ABCA12: variants seen among roughly 807,000 people sequenced by gnomAD.
ABCA12 encodes glucosylceramide transporter ABCA12.
In ABCA12, 156 loss-of-function variants were observed where a neutral mutation model predicts 293.5. The ratio of observed to expected loss-of-function variants is 0.53; its 90% CI spans 0.47 to 0.61. The LOEUF is 0.61. Ranked by LOEUF, ABCA12 falls within the 20% of genes least tolerant of loss-of-function variation. The probability of loss-of-function intolerance (pLI) is 0.00; values close to 1 mark genes in which losing one functional copy is unlikely to be tolerated. For missense variants in ABCA12, 2,797 were observed against 3,090.2 expected, an observed-to-expected ratio of 0.91 and a Z score of 2.25; for synonymous variants, 1,063 against 1,108.0, an observed-to-expected ratio of 0.96 and a Z score of 0.81.
At chr2:214,941,970 T>G (rs542795775) in intron 50 of ABCA12, among the ~76,000 whole-genome samples, 65 of 152,302 alleles carry the variant, frequency 4.3e-4, no homozygotes, top group African/African-American at 1.5e-3. Flanking sequence ...AAGGTTAATA[T>G]TGTTATGTGT....
At chr2:214,996,197 G>A (rs1049880400) in intron 23 of ABCA12, among the ~76,000 whole-genome samples, 4 of 152,052 alleles carry the variant, frequency 2.6e-5, no homozygotes, top group South Asian at 2.1e-4. Flanking sequence ...ATGACTTTTC[G>A]TTATGCTTTG....
intron 2 of ABCA12, chr2:215,075,734 T>C: frequency 1.7e-6 from 1 of 581,112 alleles, no homozygotes. Context: ...AAAACAAATT[T>C]TAGTAATTAC....
At chr2:215,055,862 G>A (rs142703211) in intron 3 of ABCA12, among the ~76,000 whole-genome samples, 1 of 152,052 alleles carries the variant, frequency 6.6e-6, no homozygotes, top group East Asian at 1.9e-4. Flanking sequence ...CATTCCTTAT[G>A]CTGACTACGT....
At chr2:215,051,676 G>A (rs1278924900) in intron 5 of ABCA12, among the ~76,000 whole-genome samples, 1 of 138,634 alleles carries the variant, frequency 7.2e-6, no homozygotes, top group East Asian at 2.4e-4. Context: ...AGAGAAGAAA[G>A]GTGAGTGGGA....
chr2:215,071,108 A>G (rs4673938), intron 2 of ABCA12, among the ~76,000 whole-genome samples: 70,289 of 151,128 alleles, frequency 0.47, 17,835 homozygotes, highest in South Asian at 0.61. Flanking sequence ...GAGGTAGGAG[A>G]ATCGCTTGAG....
chr2:214,978,177 A>C, intron 33 of ABCA12, 139 bp downstream of exon 33: 2 of 942,302 alleles, frequency 2.1e-6, no homozygotes, highest in South Asian at 3.1e-5. Flanking sequence ...TTAAAAAAGG[A>C]GGCTTAAATT....
rs11897309 is a variant in ABCA12, at chr2:215,054,699, C to T, written c.318-35G>A. ...AAAAAGCAAGAACTCTGTAACTTCT[C>T]CCACATTAATTTTAGTTACAGCAAT... On this transcript the variant is annotated intron_variant, in intron 3 of 52. Coordinates refer to ENST00000272895, the MANE Select transcript of ABCA12 (RefSeq NM_173076.3). 0.011 allele frequency: 17,289 copies of T among 1,521,616 alleles called. 1,613 individuals are homozygous for T. The African/African-American group carries it at 0.21, about 18-fold the overall frequency. 94.3% of individuals were successfully genotyped at this position (1,521,616 alleles called of 1,614,324 possible). A position where few individuals can be genotyped will look rare whatever the true frequency, so the allele number is the denominator to read the frequency against.
chr2:215,035,417 C>T (rs963552632), intron 8 of ABCA12, among the ~76,000 whole-genome samples: 3 of 152,018 alleles, frequency 2.0e-5, no homozygotes, highest in African/African-American at 7.3e-5. Flanking sequence ...TGCCTGTAAT[C>T]CCAGCACTTT....
chr2:215,044,225 A>G (rs1039487796), intron 7 of ABCA12, among the ~76,000 whole-genome samples: 1 of 152,146 alleles, frequency 6.6e-6, no homozygotes, highest in Non-Finnish European at 1.5e-5. Context: ...CTTCATTAGA[A>G]GCTGTCACAC....
intron 1 of ABCA12, among the ~76,000 whole-genome samples, chr2:215,126,083 G>C (rs1269114103): frequency 6.6e-6 from 1 of 152,110 alleles, no homozygotes; most frequent in Non-Finnish European, 1.5e-5. Context: ...TTCTGTTTAT[G>C]TGGTGTATCA....
intron 7 of ABCA12, among the ~76,000 whole-genome samples, chr2:215,041,740 T>C (rs1334877954): frequency 6.6e-6 from 1 of 152,120 alleles, no homozygotes; most frequent in East Asian, 1.9e-4. Context: ...CTATTCACAA[T>C]AGTCAAAATG....
At chr2:214,942,112 G>A (rs769496251) in intron 50 of ABCA12, among the ~76,000 whole-genome samples, 8 of 152,096 alleles carry the variant, frequency 5.3e-5, no homozygotes, top group Non-Finnish European at 1.0e-4. Context: ...AGTAAGCAAG[G>A]TCTTGATAAG....
intron 36 of ABCA12, among the ~76,000 whole-genome samples, chr2:214,973,012 A>T (rs1204802667): frequency 1.3e-5 from 2 of 151,944 alleles, no homozygotes; most frequent in African/African-American, 2.4e-5. Context: ...TTTGGTAGAG[A>T]TGGGGTTTCA....
intron 28 of ABCA12, among the ~76,000 whole-genome samples, chr2:214,985,414 G>A (rs1299071204): frequency 1.3e-5 from 2 of 152,156 alleles, no homozygotes; most frequent in African/African-American, 2.4e-5. Context: ...AGGGTGGAGG[G>A]TGGGAGGAAG....
Position 215,001,018 on chromosome 2 carries a change from C to G in ABCA12, c.2866G>C (p.Val956Leu). Reference protein sequence around the residue: ...LYKSNELFGSVIFKLPSNRSW... With the variant: ...LYKSNELFGSLIFKLPSNRSW... ...CTGTTAGAAGGAAGCTTAAAAATAA[C>G]ACCTAAAAATAAAATGGCAACAACA... is the stretch of plus-strand genomic sequence containing the variant. The change falls in exon 22 of 53, where the codon GTT becomes CTT. Residue 956 changes from valine to leucine, a missense_variant and splice_region_variant. By Grantham distance (32) the Val-to-Leu change is conservative. Transcript: ENST00000272895. 1 of 1,613,852 alleles carries G rather than the reference C, an allele frequency of 6.2e-7. No homozygotes were observed. Among genetic ancestry groups the G allele is most frequent in the Non-Finnish European group, 8.5e-7 (1 of 1,179,874 alleles).
Position 215,017,997 on chromosome 2 carries a change from T to G in ABCA12, c.1782+11A>C, listed in dbSNP as rs749744317. 1 of 1,614,082 alleles carries G rather than the reference T, an allele frequency of 6.2e-7. No individual in the cohort carries two copies. The highest frequency in any genetic ancestry group is 1.1e-5 in the South Asian group (1 of 91,090). On this transcript the variant is annotated intron_variant, in intron 14 of 52. Transcript: ENST00000272895. The stretch of plus-strand genomic sequence containing the variant: ...AGAACTGCATGTAAGTACAAACACA[T>G]GACACCCCACCTCAGCTCTATTATC...
intron 3 of ABCA12, among the ~76,000 whole-genome samples, chr2:215,060,948 G>GC (rs1187908488): frequency 1.3e-5 from 2 of 151,946 alleles, no homozygotes; most frequent in African/African-American, 4.8e-5. Context: ...ATCCACAGAG[G>GC]AAACTGCCCC....
chr2:214,981,716 T>A (rs568334914), intron 30 of ABCA12, among the ~76,000 whole-genome samples: 4 of 150,434 alleles, frequency 2.7e-5, no homozygotes, highest in Admixed American at 6.6e-5. Context: ...AAATAAATTT[T>A]AAAATTTTTA....
In ABCA12 at chr2:215,019,568, G is replaced by A; in HGVS notation, c.1516C>T (p.Pro506Ser). ...KKVRDLLTGDPSKINLNMDQF... is the reference protein window; with the variant it reads ...KKVRDLLTGDSSKINLNMDQF... ...TCCATATTTAAATTAATTTTGCTTG[G>A]ATCTCCAGTCAGCAAATCTCTCACT... Residue 506 changes from proline to serine, a missense_variant, in exon 12 of 53, where the codon CCA (proline) becomes TCA (serine). Physicochemically the swap from Pro to Ser is moderately conservative, Grantham distance 74. This residue lies in a region of ABCA12 where 656 missense variants were observed against 638.2 expected (regional missense o/e 1.03). Transcript: ENST00000272895. The A allele has an allele frequency of 6.2e-7, 1 of 1,614,112 alleles. No homozygotes were observed. Among genetic ancestry groups the A allele is most frequent in the East Asian group, 2.2e-5 (1 of 44,874 alleles).
Sources: allele counts gnomAD v4.1 joint callset (sites outside exome capture counted in the v4.1 genomes callset), GRCh38; gene constraint gnomAD v4.1.1; regional missense constraint gnomAD v4.1.1; transcripts MANE v1.5; gene names NCBI Gene and HGNC (gene_info 2026-07-23, HGNC 2026-07-21).